Variants in MTREX observed in about 807,000 individuals in gnomAD.
MTREX encodes exosome RNA helicase MTR4.
Under a neutral mutation model 135.4 loss-of-function variants are expected in MTREX, and 76 were observed. The ratio of observed to expected loss-of-function variants is 0.56; its 90% CI spans 0.47 to 0.68. The LOEUF (loss-of-function observed/expected upper bound fraction) is 0.68, where lower values mean the gene tolerates loss of function less well. Among genes scored for constraint, MTREX ranks in the 30% least tolerant of loss-of-function variants. MTREX has a pLI of 0.00. For synonymous variants in MTREX, 404 were observed against 401.6 expected (o/e 1.01, Z -0.07); for missense variants, 920 against 1,262.1 (o/e 0.73, Z 4.11).
intron 14 of MTREX, chr5:55,356,406 G>T: frequency 1.0e-5 from 2 of 199,702 alleles, no homozygotes; most frequent in South Asian, 2.1e-4. Flanking sequence ...TTAACACGTG[G>T]ACTGGGCATA....
chr5:55,381,694 T>G (rs1468773751), intron 18 of MTREX, among the ~76,000 whole-genome samples: 1 of 152,210 alleles, frequency 6.6e-6, no homozygotes, highest in African/African-American at 2.4e-5. Flanking sequence ...ATGTTCTATG[T>G]GCAGTTGAGA....
At chr5:55,421,874 G>A (rs1271517555) in intron 25 of MTREX, among the ~76,000 whole-genome samples, 5 of 152,058 alleles carry the variant, frequency 3.3e-5, no homozygotes, top group Non-Finnish European at 7.4e-5. Flanking sequence ...ATATCTGATT[G>A]CATAGGTAAT....
chr5:55,313,966 A>G (rs372856426), intron 1 of MTREX, among the ~76,000 whole-genome samples: 2 of 151,964 alleles, frequency 1.3e-5, no homozygotes, highest in African/African-American at 2.4e-5. Flanking sequence ...AGATCATCGT[A>G]TATCAATATG....
intron 22 of MTREX, among the ~76,000 whole-genome samples, chr5:55,409,991 G>A (rs1750861520): frequency 6.6e-6 from 1 of 152,058 alleles, no homozygotes; most frequent in Non-Finnish European, 1.5e-5. Context: ...GAGGTGGGAG[G>A]ACTACTTGAG....
At chr5:55,383,973 A>G (rs978592360) in intron 18 of MTREX, among the ~76,000 whole-genome samples, 1 of 152,090 alleles carries the variant, frequency 6.6e-6, no homozygotes, top group Non-Finnish European at 1.5e-5. Flanking sequence ...GTCTCATTAC[A>G]TTGCCCAGGC....
At chr5:55,358,838 A>T in intron 15 of MTREX, 140 bp downstream of exon 15, 1 of 644,664 alleles carries the variant, frequency 1.6e-6, no homozygotes, top group East Asian at 3.3e-5. Context: ...GGGAAGATGG[A>T]AGGGTGTGAT....
chr5:55,423,294 A>G, intron 26 of MTREX: 1 of 273,830 alleles, frequency 3.7e-6, no homozygotes, highest in Non-Finnish European at 6.8e-6. Flanking sequence ...GGAGATAGAC[A>G]ATAAGTCAAC....
intron 24 of MTREX, among the ~76,000 whole-genome samples, 173 bp from the exon 25 acceptor site, chr5:55,415,797 A>C (rs1056255997): frequency 5.3e-5 from 8 of 152,168 alleles, no homozygotes; most frequent in Non-Finnish European, 1.0e-4. Flanking sequence ...TTGGCCGTTT[A>C]ATCACTTAGC....
chr5:55,395,903 G>A (rs1484287989), intron 19 of MTREX, among the ~76,000 whole-genome samples: 1 of 152,194 alleles, frequency 6.6e-6, no homozygotes, highest in African/African-American at 2.4e-5. Context: ...TCCTAGTTTG[G>A]TTCCATGGAG....
chr5:55,327,490 A>C (rs1332928466), intron 3 of MTREX: 1 of 452,044 alleles, frequency 2.2e-6, no homozygotes, highest in Non-Finnish European at 4.0e-6. Flanking sequence ...GCTTTCAATT[A>C]TTACCCTTAG....
intron 16 of MTREX, among the ~76,000 whole-genome samples, chr5:55,372,459 A>G (rs1349432341): frequency 1.3e-5 from 2 of 150,578 alleles, no homozygotes; most frequent in Non-Finnish European, 2.9e-5. Context: ...CATGAGCTAT[A>G]CTGTTAGCTA....
intron 1 of MTREX, among the ~76,000 whole-genome samples, chr5:55,309,876 T>C (rs1433381223): frequency 2.0e-5 from 3 of 151,980 alleles, no homozygotes; most frequent in African/African-American, 7.3e-5. Flanking sequence ...CTATCAGGAG[T>C]GCGAAATGAG....
intron 1 of MTREX, among the ~76,000 whole-genome samples, chr5:55,321,991 A>G (rs1250154969): frequency 6.6e-6 from 1 of 152,218 alleles, no homozygotes; most frequent in Non-Finnish European, 1.5e-5. Flanking sequence ...TCATGCCTTT[A>G]GAGAAAGCAT....
At chr5:55,383,884 C>T (rs955954667) in intron 18 of MTREX, among the ~76,000 whole-genome samples, 3 of 152,148 alleles carry the variant, frequency 2.0e-5, no homozygotes, top group Non-Finnish European at 4.4e-5. Flanking sequence ...ATCCTTCCAC[C>T]TCAGCCTCCT....
chr5:55,392,438 G>A (rs1225515257), intron 19 of MTREX, among the ~76,000 whole-genome samples: 2 of 151,590 alleles, frequency 1.3e-5, no homozygotes, highest in Non-Finnish European at 2.9e-5. Flanking sequence ...AGCTATTCGA[G>A]AGGCTGAGGC....
intron 19 of MTREX, among the ~76,000 whole-genome samples, chr5:55,396,006 T>C (rs2111581746): frequency 6.6e-6 from 1 of 152,348 alleles, no homozygotes; most frequent in South Asian, 2.1e-4. Flanking sequence ...TATCATTGTC[T>C]CGACATTAGA....
rs13164141 is a variant in MTREX at position 55,404,786 on chromosome 5, T to C, written c.2482-639T>C. Among the ~76,000 whole-genome samples the C allele has an allele frequency of 1.0e-4, 15 of 149,798 alleles. No homozygotes were observed. In the South Asian group the frequency reaches 1.9e-3, roughly 19 times the overall value. On this transcript the variant is annotated intron_variant, in intron 21 of 26. Transcript: ENST00000230640. ...CCTCTCTCCATTTAAGCAAGAGCTG[T>C]GCTCTGTTCTCTTTTTTTTTTTTCT...
chr5:55,363,920 A>T (rs530037460), intron 15 of MTREX, among the ~76,000 whole-genome samples: 1 of 152,302 alleles, frequency 6.6e-6, no homozygotes, highest in East Asian at 1.9e-4. Context: ...TTCTAAACTT[A>T]AGGAATATAT....
Position 55,397,520 on chromosome 5 carries a change from A to G in MTREX, c.2286A>G (p.Ser762=), listed in dbSNP as rs1473909518. 1.9e-6 allele frequency: 3 copies of G among 1,585,874 alleles called. No individual in the cohort carries two copies. Among genetic ancestry groups the G allele is most frequent in the Non-Finnish European group, 1.7e-6 (2 of 1,156,668 alleles). Reference sequence around the variant, plus strand: ...ACAATAGACAGAGTGTTTTAAAATCAATACAGGTATGTGTTAATTTCATAA... The same window carrying G: ...ACAATAGACAGAGTGTTTTAAAATCGATACAGGTATGTGTTAATTTCATAA... ...PVDNRQSVLK[S]IQEVQKRFPD... Residue 762 remains serine (S), a synonymous_variant, in exon 20 of 27, where the codon TCA becomes TCG. Transcript: ENST00000230640.
Sources: gnomAD v4.1 joint callset for allele counts (sites outside exome capture counted in the v4.1 genomes callset) on GRCh38, gnomAD v4.1.1 for gene constraint, MANE v1.5 for transcripts, NCBI Gene and HGNC (gene_info 2026-07-23, HGNC 2026-07-21) for gene names.